Variants in MAP3K15 observed in about 807,000 individuals in gnomAD.
MAP3K15 encodes the protein mitogen-activated protein kinase kinase kinase 15, also known as MAPK/ERK kinase kinase 15.
In MAP3K15, 124 loss-of-function variants were observed where a neutral mutation model predicts 99.5. The ratio of observed to expected loss-of-function variants is 1.25; its 90% CI spans 1.08 to 1.45. The LOEUF (loss-of-function observed/expected upper bound fraction) is 1.45, where lower values mean the gene tolerates loss of function less well. Among genes scored for constraint, MAP3K15 ranks in the 40% most tolerant of loss-of-function variants. The pLI is 0.00. For missense variants in MAP3K15, 1,242 were observed against 1,079.7 expected (o/e 1.15, Z -2.11); for synonymous variants, 494 against 439.6 (o/e 1.12, Z -1.55).
intron 18 of MAP3K15, among the ~76,000 whole-genome samples, chrX:19,384,748 GGA>G (rs2063482512): frequency 1.8e-5 from 1 of 56,467 alleles, no homozygotes; most frequent in African/African-American, 7.0e-5. Context: ...TTGTCTCAGG[GGA>G]AAAAAAAAAA....
intron 3 of MAP3K15, among the ~76,000 whole-genome samples, chrX:19,475,496 C>T (rs1396394248): frequency 9.0e-6 from 1 of 110,976 alleles, no homozygotes; most frequent in Non-Finnish European, 1.9e-5. Flanking sequence ...GGTCCCGTGA[C>T]CCCTAAAAGG....
Position 19,400,593 on chromosome X carries a change from C to A in MAP3K15, c.1915G>T (p.Asp639Tyr). The change falls in exon 14 of 29, where the codon GAT becomes TAT. Residue 639 changes from aspartate to tyrosine, a missense_variant. Transcript: ENST00000338883. Reference protein sequence around the residue: ...GSTVELEGETDGDTLEYEYDH... With the variant: ...GSTVELEGETYGDTLEYEYDH... Reference sequence around the variant, plus strand: ...TGACTCACCTCCAAGGTGTCTCCATCGGTCTCTCCCTCCAGCTCCACCGTA... The same window carrying A: ...TGACTCACCTCCAAGGTGTCTCCATAGGTCTCTCCCTCCAGCTCCACCGTA... 2 of 1,203,634 alleles carry A rather than the reference C, an allele frequency of 1.7e-6. No homozygotes were observed. Among genetic ancestry groups the A allele is most frequent in the Non-Finnish European group, 2.2e-6 (2 of 889,219 alleles).
Position 19,360,204 on chromosome X carries a change from T to TTTCTGTTCATATCAAAC in MAP3K15, c.*528_*544dup, listed in dbSNP as rs2063264932. ...ACATTCAGTATAAATATGAAGCTAT[T>TTTCTGTTCATATCAAAC]TTCTGTTCATATCAAACATTAACTA... is the stretch of plus-strand genomic sequence containing the variant. On this transcript the variant is annotated 3_prime_UTR_variant, in exon 29 of 29. Coordinates refer to ENST00000338883, the MANE Select transcript of MAP3K15 (RefSeq NM_001001671.4). 7.3e-6 allele frequency: 1 copy of TTTCTGTTCATATCAAAC among 136,585 alleles called. No individual in the cohort carries two copies. Among genetic ancestry groups the TTTCTGTTCATATCAAAC allele is most frequent in the Non-Finnish European group, 1.5e-5 (1 of 68,709 alleles). The allele number at this position is 136,585 out of a possible 1,213,427, so 11.3% of individuals were successfully genotyped here. A position where few individuals can be genotyped will look rare whatever the true frequency, so the allele number is the denominator to read the frequency against.
At chrX:19,494,526 C>T (rs897458393) in intron 1 of MAP3K15, among the ~76,000 whole-genome samples, 3 of 111,766 alleles carry the variant, frequency 2.7e-5, no homozygotes, top group Middle Eastern at 4.6e-3. Context: ...ATCTTGAATA[C>T]TATTTTTGCT....
Position 19,407,262 on chromosome X carries a change from C to T in MAP3K15, c.1770G>A (p.Arg590=). The part of the protein sequence containing the change: ...KGISLSKFDE[R]CCFLYVHDNS... ...TATCATGGACATAAAGAAAACAACA[C>T]CTTTCATCAAACTTTGATAGGCTGT... The change falls in exon 13 of 29, where the codon AGG becomes AGA. Residue 590 remains arginine, a synonymous_variant. Coordinates refer to ENST00000338883, the MANE Select transcript of MAP3K15 (RefSeq NM_001001671.4). The T allele has an allele frequency of 2.5e-6, 3 of 1,182,999 alleles. No homozygotes were observed. Among genetic ancestry groups the T allele is most frequent in the South Asian group, 3.8e-5 (2 of 52,697 alleles).
intron 18 of MAP3K15, among the ~76,000 whole-genome samples, chrX:19,382,198 C>T (rs2063462336): frequency 1.0e-5 from 1 of 98,621 alleles, no homozygotes; most frequent in Admixed American, 1.1e-4. Flanking sequence ...GAGCTGAGAT[C>T]GCATTACTGC....
intron 18 of MAP3K15, among the ~76,000 whole-genome samples, chrX:19,386,913 C>T (rs1443773870): frequency 9.0e-6 from 1 of 111,320 alleles, no homozygotes; most frequent in Non-Finnish European, 1.9e-5. Context: ...CCCAAAAGGG[C>T]GTGGGCCCAG....
intron 10 of MAP3K15, among the ~76,000 whole-genome samples, chrX:19,413,908 G>T (rs2063710947): frequency 9.2e-6 from 1 of 108,352 alleles, no homozygotes; most frequent in South Asian, 4.0e-4. Flanking sequence ...AGAGAAGGAG[G>T]AGGGCACTTT....
chrX:19,429,317 G>A (rs73193530), intron 7 of MAP3K15, among the ~76,000 whole-genome samples: 82 of 110,758 alleles, frequency 7.4e-4, no homozygotes, highest in Non-Finnish European at 1.3e-3. Flanking sequence ...TTCCTGGCAA[G>A]AAAGTTAAAA....
At position 19,380,269 on chromosome X, in the gene MAP3K15, G is replaced by T. The variant is rs760646464; in HGVS notation, c.2440C>A (p.Gln814Lys). The stretch of plus-strand genomic sequence containing the variant: ...TCAATTATCTCAGGTGCCATGTACT[G>T]CAGGGTGCCTATTTGGAAAACAAAC... ...PCTETFTGTL[Q>K]YMAPEIIDQG... The change falls in exon 19 of 29, where the codon CAG (glutamine) becomes AAG (lysine). Residue 814 changes from glutamine (Q) to lysine (K), a missense_variant. Coordinates refer to ENST00000338883, the MANE Select transcript of MAP3K15 (RefSeq NM_001001671.4). The T allele has an allele frequency of 4.1e-6, 5 of 1,206,209 alleles. No individual in the cohort carries two copies. The African/African-American group carries it at 8.8e-5, about 21-fold the overall frequency.
intron 9 of MAP3K15, among the ~76,000 whole-genome samples, chrX:19,416,540 C>A (rs894850658): frequency 9.0e-6 from 1 of 111,400 alleles, no homozygotes; most frequent in Non-Finnish European, 1.9e-5. Context: ...ACTGGAAATG[C>A]TCCCAAGAAG....
chrX:19,394,515 A>G (rs750158283), intron 16 of MAP3K15, among the ~76,000 whole-genome samples: 1 of 111,530 alleles, frequency 9.0e-6, no homozygotes, highest in South Asian at 3.8e-4. Flanking sequence ...GCATTCAGGG[A>G]TTTTTGTGGA....
intron 23 of MAP3K15, 93 bp downstream of exon 23, chrX:19,371,252 G>T: frequency 1.0e-6 from 1 of 964,337 alleles, no homozygotes; most frequent in South Asian, 2.2e-5. Context: ...GGATTCAGGT[G>T]TATACAGTTA....
intron 3 of MAP3K15, among the ~76,000 whole-genome samples, chrX:19,484,617 C>T (rs141304464): frequency 4.5e-5 from 5 of 111,507 alleles, no homozygotes; most frequent in African/African-American, 1.3e-4. Context: ...ACCAAGTCTC[C>T]GGGACGAGAG....
chrX:19,400,045 T>A (rs1339497311), intron 14 of MAP3K15, among the ~76,000 whole-genome samples: 1 of 112,077 alleles, frequency 8.9e-6, no homozygotes, highest in Non-Finnish European at 1.9e-5. Context: ...TAAATTGTAA[T>A]CACTGGAAGA....
rs759564714 is a variant in MAP3K15 at position 19,426,273 on chromosome X, C to T, written c.1237G>A (p.Ala413Thr). 1 of 1,169,604 alleles carries T rather than the reference C, an allele frequency of 8.5e-7. No individual in the cohort carries two copies. The highest frequency in any genetic ancestry group is 1.9e-5 in the South Asian group (1 of 51,937). The change falls in exon 8 of 29, where the codon GCT becomes ACT. Residue 413 changes from alanine (A) to threonine (T), a missense_variant. Ala to Thr is a moderately conservative substitution (Grantham distance 58). Coordinates refer to ENST00000338883, the MANE Select transcript of MAP3K15 (RefSeq NM_001001671.4). ...GINLAVLLIV[A>T]GQQFETSLEL... The stretch of plus-strand genomic sequence containing the variant: ...AAGGAAGTTTCAAATTGTTGTCCAG[C>T]AACAATCAGCAAAACTGCAAGATTA...
At chrX:19,417,354 C>A (rs182851277) in intron 9 of MAP3K15, among the ~76,000 whole-genome samples, 1 of 112,010 alleles carries the variant, frequency 8.9e-6, no homozygotes, top group African/African-American at 3.3e-5. Flanking sequence ...CCTAATACTG[C>A]GCTTTTCCAA....
chrX:19,456,014 G>C (rs1001956159), intron 6 of MAP3K15, among the ~76,000 whole-genome samples: 1 of 111,130 alleles, frequency 9.0e-6, no homozygotes, highest in Admixed American at 9.6e-5. Context: ...ATGCATCCTT[G>C]GGATGCTGGG....
chrX:19,364,764 A>G (rs1429199900), intron 25 of MAP3K15, among the ~76,000 whole-genome samples: 2 of 109,756 alleles, frequency 1.8e-5, no homozygotes, highest in African/African-American at 6.7e-5. Context: ...GTGGTGGCAC[A>G]TGCCTGTAAT....
Sources: gnomAD v4.1 joint callset for allele counts (sites outside exome capture counted in the v4.1 genomes callset) on GRCh38, gnomAD v4.1.1 for gene constraint, MANE v1.5 for transcripts, NCBI Gene and HGNC (gene_info 2026-07-23, HGNC 2026-07-21) for gene names.